Variants in KAZN observed in about 807,000 individuals in gnomAD.
The protein encoded by KAZN is kazrin.
KAZN carries 40 observed loss-of-function variants against 87.4 expected under a neutral mutation model. That is an observed-to-expected ratio of 0.46 (90% CI 0.36 to 0.60). KAZN has a LOEUF of 0.60. KAZN is among the 20% of genes least tolerant of loss of function. The probability of loss-of-function intolerance (pLI) is 0.00; values close to 1 mark genes in which losing one functional copy is unlikely to be tolerated. For missense variants in KAZN, 898 were observed against 1,073.9 expected, an observed-to-expected ratio of 0.84 and a Z score of 2.29; for synonymous variants, 466 against 458.3, an observed-to-expected ratio of 1.02 and a Z score of -0.22.
chr1:14,846,280 A>G (rs1432747363), intron 1 of KAZN, among the ~76,000 whole-genome samples: 1 of 152,178 alleles, frequency 6.6e-6, no homozygotes, highest in Non-Finnish European at 1.5e-5. Context: ...GCATTTCCCA[A>G]ATGTATTTGA....
intron 2 of KAZN, among the ~76,000 whole-genome samples, chr1:14,964,140 T>C (rs1228380347): frequency 6.6e-6 from 1 of 152,206 alleles, no homozygotes; most frequent in Non-Finnish European, 1.5e-5. Flanking sequence ...CCTTTGGGTA[T>C]GTGCCCAGTA....
At chr1:14,343,468 C>T (rs995532107) in intron 2 of KAZN, among the ~76,000 whole-genome samples, 5 of 152,194 alleles carry the variant, frequency 3.3e-5, no homozygotes, top group African/African-American at 7.2e-5. Flanking sequence ...GGTCAGCCAA[C>T]GCAGATGTAG....
At chr1:14,670,673 C>T (rs565441144) in intron 1 of KAZN, among the ~76,000 whole-genome samples, 2 of 152,274 alleles carry the variant, frequency 1.3e-5, no homozygotes, top group South Asian at 4.1e-4. Flanking sequence ...AATCATTGCC[C>T]TTAAGAGTCC....
chr1:14,411,619 T>C (rs1435030137), intron 2 of KAZN, among the ~76,000 whole-genome samples: 2 of 152,202 alleles, frequency 1.3e-5, no homozygotes, highest in African/African-American at 4.8e-5. Context: ...AAATTTCCCA[T>C]TAATAGAAGC....
At chr1:14,158,852 G>A (rs1645650447) in intron 1 of KAZN, among the ~76,000 whole-genome samples, 1 of 152,166 alleles carries the variant, frequency 6.6e-6, no homozygotes, top group Admixed American at 6.5e-5. Flanking sequence ...GGCTCTTATG[G>A]ACTCATAGAG....
At chr1:14,539,176 T>C (rs1363243167) in intron 2 of KAZN, among the ~76,000 whole-genome samples, 1 of 152,178 alleles carries the variant, frequency 6.6e-6, no homozygotes, top group East Asian at 1.9e-4. Context: ...TTGCAACTGA[T>C]ATATGATTTC....
intron 2 of KAZN, among the ~76,000 whole-genome samples, chr1:14,587,787 T>C (rs1382405083): frequency 6.6e-6 from 1 of 152,164 alleles, no homozygotes; most frequent in Admixed American, 6.5e-5. Flanking sequence ...ACTGAGGATT[T>C]CATTTCGACA....
chr1:14,988,405 A>G (rs886790118), intron 2 of KAZN, among the ~76,000 whole-genome samples: 1 of 152,228 alleles, frequency 6.6e-6, no homozygotes, highest in Non-Finnish European at 1.5e-5. Flanking sequence ...CAGCCTGAGC[A>G]GGACTAGGAC....
intron 1 of KAZN, among the ~76,000 whole-genome samples, chr1:14,845,123 G>T (rs1339126197): frequency 6.6e-6 from 1 of 152,018 alleles, no homozygotes; most frequent in Non-Finnish European, 1.5e-5. Context: ...ATGGGTGAGT[G>T]GGTGGATGAG....
At chr1:14,298,773 C>G (rs753147300) in intron 2 of KAZN, among the ~76,000 whole-genome samples, 13 of 152,134 alleles carry the variant, frequency 8.5e-5, no homozygotes, top group Non-Finnish European at 1.6e-4. Context: ...CAGTTCTCAG[C>G]CATGGTAGGA....
intron 2 of KAZN, among the ~76,000 whole-genome samples, chr1:14,548,252 G>A (rs940824301): frequency 6.8e-6 from 1 of 147,624 alleles, no homozygotes; most frequent in Non-Finnish European, 1.5e-5. Context: ...AGACTGGAGT[G>A]CAGTGGTGCG....
chr1:14,413,877 T>C (rs1664524246), intron 2 of KAZN, among the ~76,000 whole-genome samples: 2 of 152,064 alleles, frequency 1.3e-5, no homozygotes, highest in African/African-American at 4.8e-5. Context: ...AAATGGAAGG[T>C]AAAGGGTATA....
At chr1:14,507,621 G>T (rs1670655669) in intron 2 of KAZN, among the ~76,000 whole-genome samples, 1 of 152,118 alleles carries the variant, frequency 6.6e-6, no homozygotes, top group African/African-American at 2.4e-5. Flanking sequence ...CCACCTAGCA[G>T]AATCAATATG....
chr1:14,780,190 T>C (rs1382221366), intron 1 of KAZN, among the ~76,000 whole-genome samples: 1 of 152,220 alleles, frequency 6.6e-6, no homozygotes, highest in Non-Finnish European at 1.5e-5. Context: ...TGCCTCTGCC[T>C]CAAAGCCTTG....
intron 1 of KAZN, among the ~76,000 whole-genome samples, chr1:14,843,528 C>T (rs575928337): frequency 6.6e-5 from 10 of 152,284 alleles, no homozygotes; most frequent in East Asian, 1.9e-4. Flanking sequence ...ACCTTTCTGC[C>T]GTGCCCTGAT....
At chr1:14,698,508 C>T (rs1641742571) in intron 1 of KAZN, among the ~76,000 whole-genome samples, 2 of 152,240 alleles carry the variant, frequency 1.3e-5, no homozygotes, top group Admixed American at 1.3e-4. Flanking sequence ...TTCCACTGCC[C>T]CTCCCATGTG....
At chr1:14,874,365 T>A (rs571209067) in intron 1 of KAZN, among the ~76,000 whole-genome samples, 1 of 152,022 alleles carries the variant, frequency 6.6e-6, no homozygotes, top group East Asian at 1.9e-4. Flanking sequence ...GCTGACAGAT[T>A]AAGTAAGAGG....
intron 2 of KAZN, among the ~76,000 whole-genome samples, chr1:14,337,003 T>C (rs1657317626): frequency 6.6e-6 from 1 of 152,218 alleles, no homozygotes. Context: ...CAAATACTTA[T>C]CCATGTAAAA....
At chr1:14,522,535 C>CT (rs1333963779) in intron 2 of KAZN, among the ~76,000 whole-genome samples, 1 of 152,150 alleles carries the variant, frequency 6.6e-6, no homozygotes, top group Admixed American at 6.5e-5. Context: ...AATTTGGTCT[C>CT]TTGGATTATG....
Sources: gnomAD v4.1 joint callset for allele counts (sites outside exome capture counted in the v4.1 genomes callset) on GRCh38, gnomAD v4.1.1 for gene constraint, MANE v1.5 for transcripts, NCBI Gene and HGNC (gene_info 2026-07-23, HGNC 2026-07-21) for gene names.